ASIC2: variants seen among roughly 807,000 people sequenced by gnomAD.
ASIC2 encodes acid-sensing ion channel 2.
Under a neutral mutation model 57.3 loss-of-function variants are expected in ASIC2, and 25 were observed. The observed-to-expected ratio is 0.44, with a 90% CI of 0.32 to 0.61. The LOEUF (loss-of-function observed/expected upper bound fraction) is 0.61. ASIC2 is among the 20% of genes least tolerant of loss of function. The pLI is 0.06. For synonymous variants in ASIC2, 319 were observed against 307.5 expected (o/e 1.04, Z -0.39); for missense variants, 641 against 738.1 (o/e 0.87, Z 1.52).
At chr17:33,167,651 C>G (rs1328929758) in intron 1 of ASIC2, among the ~76,000 whole-genome samples, 1 of 152,208 alleles carries the variant, frequency 6.6e-6, no homozygotes, top group African/African-American at 2.4e-5. Context: ...GCACAAACTC[C>G]TCATTCTGGC....
intron 1 of ASIC2, among the ~76,000 whole-genome samples, chr17:33,374,052 G>A (rs767014419): frequency 6.6e-6 from 1 of 152,114 alleles, no homozygotes; most frequent in Non-Finnish European, 1.5e-5. Context: ...CTGCAGCACA[G>A]TAGCATGATC....
intron 1 of ASIC2, among the ~76,000 whole-genome samples, chr17:33,579,772 G>A (rs144102929): frequency 3.3e-5 from 5 of 152,264 alleles, no homozygotes; most frequent in South Asian, 2.1e-4. Context: ...ATTCAGAAGA[G>A]CAAAAGAACA....
intron 1 of ASIC2, among the ~76,000 whole-genome samples, chr17:33,537,369 G>A (rs908006641): frequency 6.6e-6 from 1 of 152,052 alleles, no homozygotes; most frequent in African/African-American, 2.4e-5. Context: ...GGCCTTCCTT[G>A]AGCTATCTAA....
intron 1 of ASIC2, among the ~76,000 whole-genome samples, chr17:33,199,029 T>C (rs1293220519): frequency 2.6e-5 from 4 of 152,196 alleles, no homozygotes; most frequent in Admixed American, 6.5e-5. Context: ...TTTTCTGGCA[T>C]CACGCCAGTT....
At chr17:33,693,534 G>C (rs1164994966) in intron 1 of ASIC2, among the ~76,000 whole-genome samples, 1 of 152,182 alleles carries the variant, frequency 6.6e-6, no homozygotes, top group Admixed American at 6.5e-5. Flanking sequence ...TTGATACTAG[G>C]TATGTAGTCA....
rs186412449 is a variant in ASIC2, at chr17:33,578,670, C to T, written c.556-466603G>A. ...TCCATCTCTCCCCTTATTTACTTCA[C>T]TCCCCCCTCCTCTTCCCTACACCAA... is the stretch of plus-strand genomic sequence containing the variant. On this transcript the variant is annotated intron_variant, in intron 1 of 9. Coordinates refer to the ASIC2 transcript ENST00000359872. 9.9e-5 allele frequency among the ~76,000 whole-genome samples: 15 copies of T among 152,216 alleles called. No homozygotes were observed. The East Asian group carries it at 2.7e-3, about 28-fold the overall frequency.
intron 1 of ASIC2, among the ~76,000 whole-genome samples, chr17:33,502,197 C>T (rs1275335700): frequency 1.3e-5 from 2 of 152,030 alleles, no homozygotes; most frequent in Non-Finnish European, 2.9e-5. Flanking sequence ...CAGTGATTCT[C>T]TATAAAAAGG....
chr17:33,277,150 T>C (rs1302064959), intron 1 of ASIC2, among the ~76,000 whole-genome samples: 1 of 152,210 alleles, frequency 6.6e-6, no homozygotes, highest in Non-Finnish European at 1.5e-5. Flanking sequence ...TGTCTATAGA[T>C]GACCCAGGTG....
At chr17:34,131,184 G>A (rs1011945156) in intron 1 of ASIC2, among the ~76,000 whole-genome samples, 2 of 152,158 alleles carry the variant, frequency 1.3e-5, no homozygotes, top group African/African-American at 4.8e-5. Flanking sequence ...TGGAAACTGA[G>A]CCTCGAAATG....
chr17:33,523,179 A>C (rs1192707016), intron 1 of ASIC2, among the ~76,000 whole-genome samples: 1 of 152,210 alleles, frequency 6.6e-6, no homozygotes, highest in Non-Finnish European at 1.5e-5. Context: ...TGTCTTTGTC[A>C]TCTTGGTAAA....
At chr17:33,888,564 AG>A (rs1914885436) in intron 1 of ASIC2, among the ~76,000 whole-genome samples, 1 of 152,126 alleles carries the variant, frequency 6.6e-6, no homozygotes, top group Non-Finnish European at 1.5e-5. Context: ...GAAGACCAGA[AG>A]GGGAGAGCGC....
At chr17:33,556,860 C>T (rs925827391) in intron 1 of ASIC2, among the ~76,000 whole-genome samples, 21 of 152,202 alleles carry the variant, frequency 1.4e-4, no homozygotes, top group African/African-American at 4.6e-4. Flanking sequence ...CTAAGTTATT[C>T]CCATAAGCAT....
chr17:33,138,644 G>A (rs189353597), intron 1 of ASIC2, among the ~76,000 whole-genome samples: 1,657 of 152,226 alleles, frequency 0.011, 28 homozygotes, highest in African/African-American at 0.037. Context: ...CGGTGGCACC[G>A]AAGCCCTCCC....
chr17:33,621,996 C>T (rs982565897), intron 1 of ASIC2, among the ~76,000 whole-genome samples: 3 of 152,122 alleles, frequency 2.0e-5, no homozygotes, highest in South Asian at 2.1e-4. Flanking sequence ...TGCTAGGTGT[C>T]TCAATAAATG....
At chr17:33,447,911 T>C (rs1412577669) in intron 1 of ASIC2, among the ~76,000 whole-genome samples, 1 of 78,272 alleles carries the variant, frequency 1.3e-5, no homozygotes, top group African/African-American at 6.1e-5. Flanking sequence ...AGACTCAGTC[T>C]CAAAAAAAAA....
chr17:33,422,499 G>A (rs1911079452), intron 1 of ASIC2, among the ~76,000 whole-genome samples: 1 of 152,194 alleles, frequency 6.6e-6, no homozygotes, highest in African/African-American at 2.4e-5. Context: ...GGGTGGGCAG[G>A]AGGGTTGCAA....
chr17:33,583,807 G>A (rs539851171), intron 1 of ASIC2, among the ~76,000 whole-genome samples: 3 of 152,232 alleles, frequency 2.0e-5, no homozygotes, highest in Middle Eastern at 3.4e-3. Flanking sequence ...CAGCTGCCAC[G>A]GTTTCATTTT....
intron 1 of ASIC2, among the ~76,000 whole-genome samples, chr17:33,445,916 T>A (rs776248704): frequency 6.6e-6 from 1 of 151,958 alleles, no homozygotes; most frequent in Non-Finnish European, 1.5e-5. Context: ...AAACATATAC[T>A]ATTCCTGTTT....
chr17:33,765,581 G>A lies in ASIC2; in HGVS notation c.555+390397C>T, dbSNP rs577472244. ...GTCACTGCTGGTTTCAAAATAGTAT[G>A]ATTTCAGTGATACAATGTCCAGTCT... On this transcript the variant is annotated intron_variant, in intron 1 of 9. Coordinates refer to the ASIC2 transcript ENST00000359872. Among the ~76,000 whole-genome samples the A allele has an allele frequency of 2.0e-5, 3 of 152,222 alleles. No homozygotes were observed. In the South Asian group the frequency reaches 6.2e-4, roughly 32 times the overall value.
Sources: gnomAD v4.1 joint callset for allele counts (sites outside exome capture counted in the v4.1 genomes callset) on GRCh38, gnomAD v4.1.1 for gene constraint, MANE v1.5 for transcripts, NCBI Gene and HGNC (gene_info 2026-07-23, HGNC 2026-07-21) for gene names.